CATSPER2: variants seen among roughly 807,000 people sequenced by gnomAD.
CATSPER2 encodes the protein cation channel sperm-associated protein 2.
CATSPER2 carries 56 observed loss-of-function variants against 68.8 expected under a neutral mutation model. The ratio of observed to expected loss-of-function variants is 0.81; its 90% CI spans 0.66 to 1.02. The LOEUF is 1.02. Ranked by LOEUF, CATSPER2 falls within the 50% of genes least tolerant of loss-of-function variation. The pLI is 0.00. For missense variants in CATSPER2, 582 were observed against 642.0 expected (o/e 0.91, Z 1.01); for synonymous variants, 198 against 229.9 (o/e 0.86, Z 1.26).
At chr15:43,646,319 G>A (rs1714754095) in intron 4 of CATSPER2, among the ~76,000 whole-genome samples, 2 of 149,870 alleles carry the variant, frequency 1.3e-5, no homozygotes, top group Admixed American at 6.6e-5. Context: ...GGGGTGCAGT[G>A]GCGTGATTTC....
intron 7 of CATSPER2, chr15:43,637,760 A>G (rs1374713417): frequency 6.6e-6 from 1 of 151,864 alleles, no homozygotes; most frequent in Non-Finnish European, 1.5e-5. Context: ...TTCTAGACAG[A>G]GATCAGGAAT....
At chr15:43,646,830 T>C (rs1158068364) in intron 4 of CATSPER2, among the ~76,000 whole-genome samples, 1 of 151,156 alleles carries the variant, frequency 6.6e-6, no homozygotes, top group Admixed American at 6.6e-5. Flanking sequence ...TTCTCCTGCC[T>C]CAGCCTCCCA....
rs368502475 is a variant in CATSPER2, at chr15:43,639,700, G to C, written c.660C>G (p.Leu220=). 6.2e-7 allele frequency: 1 copy of C among 1,613,058 alleles called. No individual in the cohort carries two copies. Among genetic ancestry groups the C allele is most frequent in the African/African-American group, 1.3e-5 (1 of 74,662 alleles). The change falls in exon 6 of 13, where the codon CTC becomes CTG. Residue 220 remains leucine (L), a synonymous_variant. Coordinates refer to ENST00000396879, the MANE Select transcript of CATSPER2 (RefSeq NM_172095.4). ...TTTGAATTTGACGGAATTGTGCAAG[G>C]AGTTTGAGAGACCTCAGCACCCGGC... The part of the protein sequence containing the change: ...RICRVLRSLK[L]LAQFRQIQII...
At chr15:43,635,888 G>T in intron 8 of CATSPER2, 62 bp from the exon 9 acceptor site, 2 of 1,478,446 alleles carry the variant, frequency 1.4e-6, no homozygotes, top group South Asian at 1.2e-5. Flanking sequence ...AAGAGGGCTT[G>T]GGTGGGGAGA....
intron 4 of CATSPER2, 97 bp downstream of exon 4, chr15:43,646,953 G>T: frequency 9.7e-7 from 1 of 1,028,052 alleles, no homozygotes; most frequent in Non-Finnish European, 1.5e-6. Context: ...CTGAGCTCCG[G>T]CAATCCACAC....
At chr15:43,647,576 G>A in intron 2 of CATSPER2, 109 bp from the exon 3 acceptor site, 2 of 1,015,378 alleles carry the variant, frequency 2.0e-6, no homozygotes, top group Non-Finnish European at 3.1e-6. Context: ...ATGCCTTACT[G>A]CTAGTCCTTC....
intron 4 of CATSPER2, chr15:43,642,947 T>C (rs1178876476): frequency 1.3e-5 from 2 of 151,990 alleles, no homozygotes; most frequent in African/African-American, 2.4e-5. Flanking sequence ...TTAATGGAAA[T>C]AGAGACCAGG....
At chr15:43,648,279 T>C (rs975303968) in intron 1 of CATSPER2, among the ~76,000 whole-genome samples, 1 of 151,882 alleles carries the variant, frequency 6.6e-6, no homozygotes, top group Non-Finnish European at 1.5e-5. Flanking sequence ...CATTGCACAG[T>C]CGACCAAGCG....
Position 43,638,904 on chromosome 15 carries a change from G to A in CATSPER2, c.842C>T (p.Ser281Leu), listed in dbSNP as rs112488180. ...CCCAGCTGTCCCCAGCTCTGCTTAC[G>A]AGAAGAACACATGGTACTCCAGGTC... ...RQDLEYHVFF[S>L]DLPNSLVTVF... The change falls in exon 7 of 13, where the codon TCG becomes TTG. Residue 281 changes from serine (S) to leucine (L), a missense_variant and splice_region_variant. Coordinates refer to ENST00000396879, the MANE Select transcript of CATSPER2 (RefSeq NM_172095.4). 5.7e-5 allele frequency: 92 copies of A among 1,612,308 alleles called. 2 individuals carry two copies. The African/African-American group carries it at 9.8e-4, about 17-fold the overall frequency.
chr15:43,631,951 C>T (rs2085878922), intron 12 of CATSPER2, among the ~76,000 whole-genome samples: 1 of 151,958 alleles, frequency 6.6e-6, no homozygotes, highest in Non-Finnish European at 1.5e-5. Context: ...AGCTCTCATA[C>T]CTCATAGGAT....
At chr15:43,647,560 C>G in intron 2 of CATSPER2, 93 bp from the exon 3 acceptor site, 1 of 1,154,540 alleles carries the variant, frequency 8.7e-7, no homozygotes, top group Non-Finnish European at 1.3e-6. Flanking sequence ...GTAATGGGTT[C>G]CCCTAATGCC....
At position 43,639,049 on chromosome 15, in the gene CATSPER2, G is replaced by C. The variant is rs755754604; in HGVS notation, c.718-21C>G. The C allele has an allele frequency of 4.3e-6, 7 of 1,610,440 alleles. No individual in the cohort carries two copies. In the South Asian group the frequency reaches 6.6e-5, roughly 15 times the overall value. ...ATGCTCTAGAGGCCATAACTCTCAT[G>C]TCAGATGTGGGCCAAACTAGGCTGA... is the stretch of plus-strand genomic sequence containing the variant. On this transcript the variant is annotated intron_variant, in intron 6 of 12. Transcript: ENST00000396879.
In CATSPER2 at chr15:43,628,740, C is replaced by T. The variant is rs567768131; in HGVS notation, c.*1961G>A. The stretch of plus-strand genomic sequence containing the variant: ...CATCACAACCACCACCTTACCTCAA[C>T]AATTTGTTCAGACGTAAGCATATGA... On this transcript the variant is annotated 3_prime_UTR_variant, in exon 13 of 13. Coordinates refer to ENST00000396879, the MANE Select transcript of CATSPER2 (RefSeq NM_172095.4). The T allele has an allele frequency of 1.6e-5, 2 of 127,412 alleles. 1 individual carries two copies. The highest frequency in any genetic ancestry group is 3.2e-5 in the Non-Finnish European group (2 of 62,820). The allele number at this position is 127,412 out of a possible 1,614,324, so 7.9% of individuals were successfully genotyped here. A position where few individuals can be genotyped will look rare whatever the true frequency, so the allele number is the denominator to read the frequency against.
intron 7 of CATSPER2, 60 bp downstream of exon 7, chr15:43,638,844 G>A: frequency 6.3e-7 from 1 of 1,599,692 alleles, no homozygotes; most frequent in Non-Finnish European, 8.5e-7. Flanking sequence ...CTTTGGACAA[G>A]CTTCCTGGTC....
chr15:43,640,437 C>T lies in CATSPER2; in HGVS notation c.448G>A (p.Ala150Thr), dbSNP rs778218359. The change falls in exon 5 of 13, where the codon GCT becomes ACT. Residue 150 changes from alanine to threonine, a missense_variant. By Grantham distance (58) the Ala-to-Thr change is moderately conservative. Transcript: ENST00000396879. ...WPLKLTLEVA[A>T]WFILLIFILE... is the part of the protein sequence containing the mutation. ...ATGAAAATAAGCAAGATAAACCAAG[C>T]TGCCACCTCCAAGGTCAGCTTCAAT... The T allele has an allele frequency of 6.2e-7, 1 of 1,613,208 alleles. No individual in the cohort carries two copies. Among genetic ancestry groups the T allele is most frequent in the Non-Finnish European group, 8.5e-7 (1 of 1,179,444 alleles).
chr15:43,639,696 C>A lies in CATSPER2; in HGVS notation c.664G>T (p.Ala222Ser). The change falls in exon 6 of 13, where the codon GCA becomes TCA. Residue 222 changes from alanine (A) to serine (S), a missense_variant. Physicochemically the swap from Ala to Ser is moderately conservative, Grantham distance 99. Coordinates refer to ENST00000396879, the MANE Select transcript of CATSPER2 (RefSeq NM_172095.4). ...ATAATTTGAATTTGACGGAATTGTG[C>A]AAGGAGTTTGAGAGACCTCAGCACC... ...CRVLRSLKLLAQFRQIQIIIL... is the reference protein window; with the variant it reads ...CRVLRSLKLLSQFRQIQIIIL... 1 of 1,613,210 alleles carries A rather than the reference C, an allele frequency of 6.2e-7. No homozygotes were observed. The highest frequency in any genetic ancestry group is 8.5e-7 in the Non-Finnish European group (1 of 1,179,646).
At chr15:43,635,625 C>T in intron 9 of CATSPER2, 102 bp downstream of exon 9, 1 of 1,149,800 alleles carries the variant, frequency 8.7e-7, no homozygotes, top group Non-Finnish European at 1.3e-6. Context: ...GGGGGCAAAT[C>T]TACTGTCACA....
At chr15:43,643,057 T>C (rs962760761) in intron 4 of CATSPER2, 2 of 151,920 alleles carry the variant, frequency 1.3e-5, no homozygotes, top group Non-Finnish European at 2.9e-5. Context: ...CAGTAGCCAT[T>C]TGATCAAGCA....
chr15:43,639,099 T>C lies in CATSPER2; in HGVS notation c.718-71A>G, dbSNP rs576972008. ...ATCTCCACCAACAGCCCAGTCAAGC[T>C]CACCTGGCAATCCCCCACCAAACCC... On this transcript the variant is annotated intron_variant, in intron 6 of 12. Transcript: ENST00000396879. 409 of 1,582,472 alleles carry C rather than the reference T, an allele frequency of 2.6e-4. 5 individuals carry two copies. Among genetic ancestry groups the C allele is most frequent in the Admixed American group, 5.9e-4 (35 of 58,846 alleles).
Sources: gnomAD v4.1 joint callset for allele counts (sites outside exome capture counted in the v4.1 genomes callset) on GRCh38, gnomAD v4.1.1 for gene constraint, MANE v1.5 for transcripts, NCBI Gene and HGNC (gene_info 2026-07-23, HGNC 2026-07-21) for gene names.